HIVEP3: variants seen among roughly 807,000 people sequenced by gnomAD.
HIVEP3 encodes the protein HIVEP zinc finger 3, also known as transcription factor HIVEP3.
In HIVEP3, 49 loss-of-function variants were observed where a neutral mutation model predicts 152.8. The ratio of observed to expected loss-of-function variants is 0.32; its 90% CI spans 0.26 to 0.41. The LOEUF (loss-of-function observed/expected upper bound fraction) is 0.41. Among genes scored for constraint, HIVEP3 ranks in the 10% least tolerant of loss-of-function variants. The pLI is 1.00. For synonymous variants in HIVEP3, 1,269 were observed against 1,289.0 expected (o/e 0.98, Z 0.33); for missense variants, 2,790 against 3,103.3 (o/e 0.90, Z 2.40).
intron 1 of HIVEP3, among the ~76,000 whole-genome samples, chr1:42,010,317 C>T (rs1570889694): frequency 6.6e-6 from 1 of 152,294 alleles, no homozygotes; most frequent in South Asian, 2.1e-4. Context: ...GTCTTTGTCT[C>T]TTATGTTGTT....
chr1:42,011,134 A>G (rs973231652), intron 1 of HIVEP3, among the ~76,000 whole-genome samples: 1 of 152,112 alleles, frequency 6.6e-6, no homozygotes, highest in Admixed American at 6.5e-5. Context: ...GCCTTTAGCC[A>G]CCATTTCAGA....
intron 3 of HIVEP3, among the ~76,000 whole-genome samples, chr1:41,607,571 T>C (rs544448988): frequency 3.3e-5 from 5 of 152,336 alleles, no homozygotes; most frequent in Middle Eastern, 3.4e-3. Flanking sequence ...ATTCAAACTG[T>C]TTCCTTTGAA....
intron 1 of HIVEP3, among the ~76,000 whole-genome samples, chr1:41,934,760 C>T (rs1470688743): frequency 1.3e-5 from 2 of 151,986 alleles, no homozygotes; most frequent in Admixed American, 1.3e-4. Context: ...AATAATGTAC[C>T]AATTTTTCAA....
chr1:41,705,406 A>G (rs1452282740), intron 1 of HIVEP3, among the ~76,000 whole-genome samples: 1 of 152,086 alleles, frequency 6.6e-6, no homozygotes, highest in Admixed American at 6.6e-5. Flanking sequence ...GATCTTCAGG[A>G]CTCTGCTTCT....
At chr1:41,734,479 T>C (rs1646887326) in intron 1 of HIVEP3, among the ~76,000 whole-genome samples, 1 of 152,200 alleles carries the variant, frequency 6.6e-6, no homozygotes, top group Non-Finnish European at 1.5e-5. Flanking sequence ...GTGTTGAACA[T>C]AGTCAATGGC....
chr1:41,604,727 C>G (rs1222251459), intron 3 of HIVEP3, among the ~76,000 whole-genome samples: 1 of 152,136 alleles, frequency 6.6e-6, no homozygotes, highest in Non-Finnish European at 1.5e-5. Context: ...CTTTAGTATT[C>G]TGTACTAGCA....
At chr1:41,928,615 T>C (rs756809363) in intron 1 of HIVEP3, among the ~76,000 whole-genome samples, 4 of 152,238 alleles carry the variant, frequency 2.6e-5, no homozygotes, top group East Asian at 3.8e-4. Context: ...TTGCATTTAG[T>C]TGACATTTCT....
At chr1:41,794,176 G>A (rs1312925690) in intron 1 of HIVEP3, among the ~76,000 whole-genome samples, 2 of 152,196 alleles carry the variant, frequency 1.3e-5, no homozygotes, top group Non-Finnish European at 2.9e-5. Context: ...GGTGGAAGAC[G>A]TAGGAAGAGC....
chr1:41,705,157 A>G (rs1041624555), intron 1 of HIVEP3, among the ~76,000 whole-genome samples: 1 of 152,232 alleles, frequency 6.6e-6, no homozygotes, highest in Admixed American at 6.5e-5. Context: ...CAAAGAGGCA[A>G]GAGAACGTGT....
At chr1:41,527,464 TCACA>T (rs753272898) in intron 5 of HIVEP3, among the ~76,000 whole-genome samples, 8 of 72,578 alleles carry the variant, frequency 1.1e-4, no homozygotes, top group Non-Finnish European at 2.0e-4. Context: ...ACCCCTGTCC[TCACA>T]CTCACCTTCA....
intron 2 of HIVEP3, among the ~76,000 whole-genome samples, chr1:41,657,259 G>A (rs1645642543): frequency 6.6e-6 from 1 of 152,256 alleles, no homozygotes; most frequent in Admixed American, 6.5e-5. Context: ...CCAGGCTGAT[G>A]CAGGTGAGCA....
intron 5 of HIVEP3, among the ~76,000 whole-genome samples, chr1:41,573,124 A>G (rs1016552740): frequency 3.3e-5 from 5 of 152,244 alleles, no homozygotes; most frequent in Non-Finnish European, 5.9e-5. Context: ...TACAGGAGTG[A>G]AATACATATG....
intron 7 of HIVEP3, among the ~76,000 whole-genome samples, chr1:41,515,059 T>C (rs1642565764): frequency 1.3e-5 from 2 of 152,156 alleles, no homozygotes; most frequent in South Asian, 2.1e-4. Flanking sequence ...CACTAGACCA[T>C]TGGAACCTGT....
At chr1:41,616,620 CTT>C (rs34266558) in intron 3 of HIVEP3, among the ~76,000 whole-genome samples, 9 of 112,436 alleles carry the variant, frequency 8.0e-5, no homozygotes, top group Admixed American at 9.9e-5. Flanking sequence ...GATGGGGAGC[CTT>C]TTTTTTTTTT....
chr1:41,935,905 G>T (rs892684345), intron 1 of HIVEP3, among the ~76,000 whole-genome samples: 2 of 151,904 alleles, frequency 1.3e-5, no homozygotes, highest in African/African-American at 4.8e-5. Context: ...ACAGCAATGA[G>T]TTTCAAAGAC....
intron 1 of HIVEP3, among the ~76,000 whole-genome samples, chr1:42,029,332 T>G (rs975486297): frequency 6.6e-6 from 1 of 152,164 alleles, no homozygotes; most frequent in African/African-American, 2.4e-5. Context: ...TGAAAAGCAT[T>G]TGGGCTTTGA....
intron 1 of HIVEP3, among the ~76,000 whole-genome samples, chr1:41,860,086 G>A (rs980706526): frequency 8.5e-5 from 13 of 152,242 alleles, no homozygotes; most frequent in African/African-American, 2.2e-4. Context: ...GATGGCTTGC[G>A]GATCAACAAC....
chr1:41,932,317 G>GT (rs1243566180), intron 1 of HIVEP3, among the ~76,000 whole-genome samples: 1 of 151,322 alleles, frequency 6.6e-6, no homozygotes, highest in Non-Finnish European at 1.5e-5. Context: ...TTGTTTGTTT[G>GT]TTTTTGGAAG....
At chr1:41,897,134 A>C (rs1442950647) in intron 1 of HIVEP3, among the ~76,000 whole-genome samples, 1 of 152,224 alleles carries the variant, frequency 6.6e-6, no homozygotes, top group African/African-American at 2.4e-5. Context: ...CTCCAAATAC[A>C]AGGAAAAGTG....
Sources: allele counts gnomAD v4.1 joint callset (sites outside exome capture counted in the v4.1 genomes callset), GRCh38; gene constraint gnomAD v4.1.1; transcripts MANE v1.5; gene names NCBI Gene and HGNC (gene_info 2026-07-23, HGNC 2026-07-21).